Variants in CFAP92 observed in about 807,000 individuals in gnomAD.
The protein encoded by CFAP92 is cilia and flagella associated protein 92 (putative).
In CFAP92, 86 loss-of-function variants were observed where a neutral mutation model predicts 106.3. The ratio of observed to expected loss-of-function variants is 0.81; its 90% CI spans 0.68 to 0.97. CFAP92 has a LOEUF of 0.97. CFAP92 is among the 50% of genes least tolerant of loss of function. CFAP92 has a pLI of 0.00. For missense variants in CFAP92, 1,204 were observed against 1,283.8 expected (o/e 0.94, Z 0.95); for synonymous variants, 477 against 506.4 (o/e 0.94, Z 0.78).
intron 12 of CFAP92, among the ~76,000 whole-genome samples, chr3:128,922,088 C>T (rs1451679899): frequency 6.6e-6 from 1 of 152,080 alleles, no homozygotes. Context: ...GCCTGTAATC[C>T]TAGCACTTTG....
intron 9 of CFAP92, among the ~76,000 whole-genome samples, chr3:128,963,659 G>A (rs1427599102): frequency 8.7e-5 from 13 of 149,644 alleles, no homozygotes; most frequent in Non-Finnish European, 1.8e-4. Context: ...CCCTGATCAC[G>A]CTTGATTTAT....
At chr3:128,933,282 T>TCGGG (rs1559866764) in intron 11 of CFAP92, among the ~76,000 whole-genome samples, 2 of 152,134 alleles carry the variant, frequency 1.3e-5, no homozygotes, top group Non-Finnish European at 2.9e-5. Flanking sequence ...CCTCCTCCCA[T>TCGGG]ACCCCATCGG....
chr3:129,004,127 T>C (rs1944950149), upstream of CFAP92: 6 of 1,417,448 alleles, frequency 4.2e-6, no homozygotes, highest in Non-Finnish European at 5.5e-6. Flanking sequence ...TCGGCTCCCA[T>C]TTTCCCAAAC....
At chr3:128,942,183 A>G (rs1001480341) in intron 10 of CFAP92, among the ~76,000 whole-genome samples, 1 of 152,208 alleles carries the variant, frequency 6.6e-6, no homozygotes, top group African/African-American at 2.4e-5. Context: ...TGAGTTCTAC[A>G]CTCACAGTTA....
At chr3:129,014,628 A>G in the CFAP92 span, among the ~76,000 whole-genome samples, 2 of 152,188 alleles carry the variant, frequency 1.3e-5, no homozygotes, top group Non-Finnish European at 2.9e-5. The surrounding 1 kb of genome is among the most constrained non-coding windows in gnomAD (Gnocchi z 4.3). Context: ...TCTGGACATC[A>G]ACATATGAAT....
intron 12 of CFAP92, among the ~76,000 whole-genome samples, chr3:128,926,909 C>T (rs1187358180): frequency 6.6e-6 from 1 of 152,000 alleles, no homozygotes; most frequent in Non-Finnish European, 1.5e-5. Context: ...GTGTGGCCAA[C>T]ATGGTGAAAC....
At chr3:129,016,742 G>A in the CFAP92 span, among the ~76,000 whole-genome samples, 5 of 152,098 alleles carry the variant, frequency 3.3e-5, no homozygotes, top group Non-Finnish European at 7.4e-5. Context: ...GCAGGAGGGG[G>A]CGGAACTGAT....
Position 128,910,107 on chromosome 3 carries a change from C to G in CFAP92, c.*192G>C, listed in dbSNP as rs559422558. On this transcript the variant is annotated 3_prime_UTR_variant, in exon 16 of 16. Coordinates refer to ENST00000645291, the MANE Select transcript of CFAP92 (RefSeq NM_001394090.1). The stretch of plus-strand genomic sequence containing the variant: ...GCATGACGGCCGTGCTGTCGCGGGC[C>G]AGCCGCTCCATCCGCATTGGGCTCC... 83 of 1,613,982 alleles carry G rather than the reference C, an allele frequency of 5.1e-5. No individual in the cohort carries two copies. The highest frequency in any genetic ancestry group is 5.0e-4 in the Middle Eastern group (3 of 6,058).
chr3:129,007,960 G>C, the CFAP92 span, among the ~76,000 whole-genome samples: 2 of 152,204 alleles, frequency 1.3e-5, no homozygotes, highest in Non-Finnish European at 2.9e-5. Flanking sequence ...TACACCTGCT[G>C]TCTTTGTCAT....
At chr3:129,003,984 T>C, upstream of CFAP92, 1 of 1,497,678 alleles carries the variant, frequency 6.7e-7, no homozygotes, top group Admixed American at 2.1e-5. Context: ...CTGCGCAGCC[T>C]GCACCGCGTG....
intron 10 of CFAP92, among the ~76,000 whole-genome samples, chr3:128,942,915 CCTT>C (rs1211036473): frequency 7.7e-6 from 1 of 129,176 alleles, no homozygotes; most frequent in African/African-American, 3.3e-5. Context: ...CAAAACTCAA[CCTT>C]TTTTTTTTTT....
At chr3:129,022,857 G>A in the CFAP92 span, among the ~76,000 whole-genome samples, 3 of 152,208 alleles carry the variant, frequency 2.0e-5, no homozygotes, top group East Asian at 1.9e-4. Flanking sequence ...TGTGGGAGTC[G>A]CGGGCCGGAA....
intron 7 of CFAP92, among the ~76,000 whole-genome samples, chr3:128,974,525 A>G (rs1943017436): frequency 6.6e-6 from 1 of 152,206 alleles, no homozygotes; most frequent in Admixed American, 6.5e-5. Flanking sequence ...ATTCCACCAT[A>G]AGAGTGAACA....
chr3:128,964,777 C>CA (rs1194196002), intron 9 of CFAP92, among the ~76,000 whole-genome samples: 18 of 150,562 alleles, frequency 1.2e-4, no homozygotes, highest in Admixed American at 3.3e-4. Flanking sequence ...CCCCTTACCA[C>CA]AAGACCTCCC....
chr3:128,984,330 C>T (rs1361022094), intron 4 of CFAP92, among the ~76,000 whole-genome samples: 1 of 152,148 alleles, frequency 6.6e-6, no homozygotes, highest in Non-Finnish European at 1.5e-5. Context: ...GGCAGACCCA[C>T]CCTCAAGCTG....
intron 9 of CFAP92, among the ~76,000 whole-genome samples, chr3:128,957,265 G>A (rs979839360): frequency 6.6e-6 from 1 of 152,148 alleles, no homozygotes; most frequent in African/African-American, 2.4e-5. Context: ...AGTTTTCTAG[G>A]TTATGTGTTA....
intron 12 of CFAP92, among the ~76,000 whole-genome samples, chr3:128,919,210 T>C (rs1245471496): frequency 6.6e-6 from 1 of 151,850 alleles, no homozygotes; most frequent in African/African-American, 2.4e-5. Flanking sequence ...TCCCAAAGTG[T>C]TGGGATTACA....
chr3:128,997,859 T>C (rs1944539480), upstream of CFAP92, among the ~76,000 whole-genome samples: 1 of 152,214 alleles, frequency 6.6e-6, no homozygotes, highest in Non-Finnish European at 1.5e-5. Flanking sequence ...CATTTTGTGA[T>C]TAACTTCTTG....
intron 9 of CFAP92, among the ~76,000 whole-genome samples, chr3:128,958,096 A>G (rs1450049109): frequency 6.6e-6 from 1 of 152,146 alleles, no homozygotes; most frequent in African/African-American, 2.4e-5. Flanking sequence ...TTTCATAAGG[A>G]TACCCTAATG....
Sources: allele counts gnomAD v4.1 joint callset (sites outside exome capture counted in the v4.1 genomes callset), GRCh38; gene constraint gnomAD v4.1.1; non-coding constraint Gnocchi (gnomAD v3.1); transcripts MANE v1.5; gene names NCBI Gene and HGNC (gene_info 2026-07-23, HGNC 2026-07-21).